Variants in TPST2 observed in about 807,000 individuals in gnomAD.
TPST2 encodes tyrosylprotein sulfotransferase 2.
Under a neutral mutation model 27.8 loss-of-function variants are expected in TPST2, and 16 were observed. The observed-to-expected ratio is 0.58, with a 90% CI of 0.39 to 0.88. The LOEUF (loss-of-function observed/expected upper bound fraction) is 0.88, where lower values mean the gene tolerates loss of function less well. Among genes scored for constraint, TPST2 ranks in the 40% least tolerant of loss-of-function variants. TPST2 has a pLI of 0.00. For missense variants in TPST2, 464 were observed against 543.1 expected, an observed-to-expected ratio of 0.85 and a Z score of 1.45; for synonymous variants, 229 against 231.7, an observed-to-expected ratio of 0.99 and a Z score of 0.10.
At chr22:26,544,094 T>TGCTG (rs1386731339) in intron 2 of TPST2, among the ~76,000 whole-genome samples, 5 of 152,240 alleles carry the variant, frequency 3.3e-5, no homozygotes, top group Non-Finnish European at 5.9e-5. Flanking sequence ...ATCTCACTTC[T>TGCTG]GCTGCCACTT....
chr22:26,526,798 G>T (rs771041980), intron 6 of TPST2, among the ~76,000 whole-genome samples: 3 of 152,100 alleles, frequency 2.0e-5, no homozygotes, highest in Non-Finnish European at 4.4e-5. Context: ...GGGATCTTGG[G>T]TAGGTGTGGT....
At position 26,541,127 on chromosome 22, in the gene TPST2, G is replaced by A. The variant is rs764986870; in HGVS notation, c.504C>T (p.Tyr168=). Reference sequence around the variant, plus strand: ...TGGAGTTGGGGAACAGGCGCGACAGGTAGACCGAGGACTTGAGCGTAAATG... The same window carrying A: ...TGGAGTTGGGGAACAGGCGCGACAGATAGACCGAGGACTTGAGCGTAAATG... ...KDPFTLKSSV[Y]LSRLFPNSKF... Residue 168 remains tyrosine, a synonymous_variant, in exon 3 of 7, where the codon TAC becomes TAT. Coordinates refer to ENST00000338754, the MANE Select transcript of TPST2 (RefSeq NM_003595.5). This position sits in a 1 kb window ranked among gnomAD's most constrained non-coding sequence, Gnocchi z 5.9. 1.9e-4 allele frequency: 310 copies of A among 1,607,758 alleles called. 1 individual carries two copies. The highest frequency in any genetic ancestry group is 3.3e-4 in the Middle Eastern group (2 of 6,064).
At chr22:26,530,631 C>CAAAAAAAAA (rs34776057) in intron 5 of TPST2, among the ~76,000 whole-genome samples, 11 of 118,308 alleles carry the variant, frequency 9.3e-5, no homozygotes, top group African/African-American at 1.9e-4. Flanking sequence ...AACCCCATCT[C>CAAAAAAAAA]AAAAAAAAAA....
intron 1 of TPST2, among the ~76,000 whole-genome samples, chr22:26,587,628 C>T (rs1328162512): frequency 6.6e-6 from 1 of 152,112 alleles, no homozygotes; most frequent in African/African-American, 2.4e-5. Context: ...GTGTGAGCCT[C>T]CGTGCCCGGC....
chr22:26,578,244 G>C (rs930580662), intron 1 of TPST2, among the ~76,000 whole-genome samples: 1 of 152,174 alleles, frequency 6.6e-6, no homozygotes, highest in Admixed American at 6.5e-5. Flanking sequence ...ACAGAAAGGT[G>C]AAGTCGTTGC....
chr22:26,555,392 A>T (rs1411297926), intron 1 of TPST2: 1 of 382,308 alleles, frequency 2.6e-6, no homozygotes, highest in Non-Finnish European at 5.2e-6. Flanking sequence ...CTAAAGTTGG[A>T]CAGACCCAGG....
intron 1 of TPST2, among the ~76,000 whole-genome samples, chr22:26,578,185 A>G (rs1464383047): frequency 6.6e-6 from 1 of 152,126 alleles, no homozygotes; most frequent in Non-Finnish European, 1.5e-5. Flanking sequence ...CAACTAATCT[A>G]TGAGGACAGT....
intron 1 of TPST2, among the ~76,000 whole-genome samples, chr22:26,553,386 T>A (rs1349976326): frequency 2.1e-5 from 3 of 139,870 alleles, no homozygotes; most frequent in African/African-American, 8.0e-5. Context: ...TTTTTTTTTT[T>A]AAAGAGACAG....
In TPST2 at chr22:26,539,037, T is replaced by C. The variant is rs531952315; in HGVS notation, c.842+1752A>G. Among the ~76,000 whole-genome samples, 215 of 152,380 alleles carry C rather than the reference T, an allele frequency of 1.4e-3. 2 individuals are homozygous for C. In the South Asian group the frequency reaches 0.014, roughly 10 times the overall value. On this transcript the variant is annotated intron_variant, in intron 3 of 6. Coordinates refer to ENST00000338754, the MANE Select transcript of TPST2 (RefSeq NM_003595.5). ...CTCCGTTCTTCTTTGGTGTATCTTT[T>C]CTAATTTTCTATAGTCAAGATGTAT...
chr22:26,541,334 C>T lies in TPST2; in HGVS notation c.297G>A (p.Glu99=). ...CCAGCACGCGCGGGATGATGCGGGT[C>T]TCCTCGCCGCAGCGCACCTCGGGGT... ...DAHPEVRCGE[E]TRIIPRVLAM... Residue 99 remains glutamate, a synonymous_variant, in exon 3 of 7, where the codon GAG becomes GAA. Transcript: ENST00000338754. The surrounding 1 kb of genome is among the most constrained non-coding windows in gnomAD (Gnocchi z 5.9). The T allele has an allele frequency of 6.5e-7, 1 of 1,548,512 alleles. No homozygotes were observed. The highest frequency in any genetic ancestry group is 8.7e-7 in the Non-Finnish European group (1 of 1,145,548).
chr22:26,552,299 C>T (rs1194096081), intron 1 of TPST2, among the ~76,000 whole-genome samples: 1 of 152,114 alleles, frequency 6.6e-6, no homozygotes, highest in African/African-American at 2.4e-5. Context: ...TCTCCCTGTT[C>T]GTTGTCATTT....
At chr22:26,533,514 C>G (rs1925280565) in intron 4 of TPST2, among the ~76,000 whole-genome samples, 1 of 152,140 alleles carries the variant, frequency 6.6e-6, no homozygotes, top group African/African-American at 2.4e-5. Flanking sequence ...GTAGGCTAAG[C>G]TCAGAAGAAA....
chr22:26,548,262 A>T (rs1926233955), intron 1 of TPST2, among the ~76,000 whole-genome samples: 1 of 150,626 alleles, frequency 6.6e-6, no homozygotes, highest in African/African-American at 2.4e-5. Context: ...GAATCACTTA[A>T]GCTTGGGAGT....
Position 26,523,914 on chromosome 22 carries a change from G to A in TPST2, c.*2361C>T, listed in dbSNP as rs1468559188. 6.6e-6 allele frequency: 1 copy of A among 152,144 alleles called. No individual in the cohort carries two copies. The highest frequency in any genetic ancestry group is 1.5e-5 in the Non-Finnish European group (1 of 68,042). The allele number at this position is 152,144 out of a possible 1,614,324, so 9.4% of individuals were successfully genotyped here. A position where few individuals can be genotyped will look rare whatever the true frequency, so the allele number is the denominator to read the frequency against. On this transcript the variant is annotated 3_prime_UTR_variant, in exon 7 of 7. Transcript: ENST00000338754. Reference sequence around the variant, plus strand: ...TTTTCTTTCAGTGTTTTCCCAGGAAGTTCTCTGAACATCCAGGGTCTTCAC... The same window carrying A: ...TTTTCTTTCAGTGTTTTCCCAGGAAATTCTCTGAACATCCAGGGTCTTCAC...
chr22:26,538,142 T>C (rs1925580630), intron 3 of TPST2, among the ~76,000 whole-genome samples: 1 of 152,166 alleles, frequency 6.6e-6, no homozygotes, highest in African/African-American at 2.4e-5. Flanking sequence ...TCTAAATGTT[T>C]TCATCCCAAC....
chr22:26,581,955 T>A (rs946920995), intron 1 of TPST2, among the ~76,000 whole-genome samples: 3 of 152,178 alleles, frequency 2.0e-5, no homozygotes, highest in Non-Finnish European at 4.4e-5. Flanking sequence ...TGTGTTCCGA[T>A]AAAACTTTAT....
intron 6 of TPST2, among the ~76,000 whole-genome samples, chr22:26,527,717 C>T (rs560903045): frequency 3.9e-5 from 6 of 152,326 alleles, no homozygotes; most frequent in African/African-American, 1.4e-4. Flanking sequence ...TGTCATCCGC[C>T]TCCCAAGGAT....
At chr22:26,558,178 G>T (rs920393829) in intron 1 of TPST2, among the ~76,000 whole-genome samples, 3 of 141,840 alleles carry the variant, frequency 2.1e-5, no homozygotes, top group African/African-American at 8.0e-5. Flanking sequence ...TATATATGTC[G>T]CCCAGGCTGG....
At chr22:26,548,188 C>G (rs1926228477) in intron 1 of TPST2, among the ~76,000 whole-genome samples, 1 of 152,174 alleles carries the variant, frequency 6.6e-6, no homozygotes, top group Non-Finnish European at 1.5e-5. Flanking sequence ...AGAAAACGCT[C>G]ATCGGATGTG....
Sources: allele counts gnomAD v4.1 joint callset (sites outside exome capture counted in the v4.1 genomes callset), GRCh38; gene constraint gnomAD v4.1.1; non-coding constraint Gnocchi (gnomAD v3.1); transcripts MANE v1.5; gene names NCBI Gene and HGNC (gene_info 2026-07-23, HGNC 2026-07-21).